The following PAPPA2 variants were observed in gnomAD, a reference collection of about 807,000 sequenced individuals.
The protein encoded by PAPPA2 is pappalysin-2.
Under a neutral mutation model 176.4 loss-of-function variants are expected in PAPPA2, and 86 were observed. The observed-to-expected ratio is 0.49, with a 90% CI of 0.41 to 0.58. The LOEUF (loss-of-function observed/expected upper bound fraction) is 0.58, where lower values mean the gene tolerates loss of function less well. Ranked by LOEUF, PAPPA2 falls within the 20% of genes least tolerant of loss-of-function variation. PAPPA2 has a pLI of 0.00. For synonymous variants in PAPPA2, 809 were observed against 852.2 expected, an observed-to-expected ratio of 0.95 and a Z score of 0.88; for missense variants, 2,073 against 2,256.9, an observed-to-expected ratio of 0.92 and a Z score of 1.65.
At chr1:176,638,972 A>T (rs12084659) in intron 3 of PAPPA2, among the ~76,000 whole-genome samples, 1 of 110,794 alleles carries the variant, frequency 9.0e-6, no homozygotes. Flanking sequence ...GTGTGTGTGT[A>T]TGTGTTTGTA....
At chr1:176,476,426 A>G (rs1334542912) in intron 1 of PAPPA2, among the ~76,000 whole-genome samples, 4 of 152,220 alleles carry the variant, frequency 2.6e-5, no homozygotes, top group Non-Finnish European at 5.9e-5. Flanking sequence ...TGTCCCCACC[A>G]TGATAAGGAA....
intron 21 of PAPPA2, 27 bp downstream of exon 21, chr1:176,800,159 C>T: frequency 6.2e-7 from 1 of 1,609,684 alleles, no homozygotes; most frequent in Non-Finnish European, 8.5e-7. Flanking sequence ...TTCCCCAACT[C>T]AGACTAGAGA....
intron 14 of PAPPA2, among the ~76,000 whole-genome samples, chr1:176,743,594 G>A (rs1017365324): frequency 3.3e-5 from 5 of 152,158 alleles, no homozygotes; most frequent in Non-Finnish European, 2.9e-5. Context: ...TGATGGCTTT[G>A]GGAAGTGGAA....
At chr1:176,802,156 G>T (rs1218852307) in intron 21 of PAPPA2, among the ~76,000 whole-genome samples, 1 of 152,134 alleles carries the variant, frequency 6.6e-6, no homozygotes, top group Non-Finnish European at 1.5e-5. Context: ...ATGATTCTGA[G>T]GCTTGCTAAT....
chr1:176,697,495 C>T (rs1463381594), intron 7 of PAPPA2, among the ~76,000 whole-genome samples: 1 of 152,146 alleles, frequency 6.6e-6, no homozygotes, highest in Non-Finnish European at 1.5e-5. Context: ...TTAAAATATA[C>T]ACTATAAGAG....
intron 3 of PAPPA2, among the ~76,000 whole-genome samples, chr1:176,618,831 AGTG>A (rs1655425189): frequency 6.6e-6 from 1 of 152,164 alleles, no homozygotes. Flanking sequence ...CTTCCCTCAA[AGTG>A]TTTGTAATCC....
chr1:176,728,315 G>C (rs542891619), intron 12 of PAPPA2, among the ~76,000 whole-genome samples: 5 of 151,870 alleles, frequency 3.3e-5, no homozygotes, highest in Admixed American at 2.6e-4. Flanking sequence ...ATTGAAAAGA[G>C]AACAACCTGA....
At chr1:176,517,843 A>C (rs1240863498) in intron 1 of PAPPA2, among the ~76,000 whole-genome samples, 2 of 152,096 alleles carry the variant, frequency 1.3e-5, no homozygotes, top group African/African-American at 4.8e-5. Context: ...GGAAACCATA[A>C]AATGAGAAGA....
chr1:176,630,168 G>A (rs546632507), intron 3 of PAPPA2, among the ~76,000 whole-genome samples: 1 of 152,304 alleles, frequency 6.6e-6, no homozygotes, highest in African/African-American at 2.4e-5. Context: ...CTTACAGCAT[G>A]ATGTGATCAT....
At chr1:176,636,453 T>C (rs775527777) in intron 3 of PAPPA2, among the ~76,000 whole-genome samples, 4 of 152,144 alleles carry the variant, frequency 2.6e-5, no homozygotes, top group Non-Finnish European at 5.9e-5. Flanking sequence ...CTATCAATTG[T>C]ATAGAAAGTC....
intron 3 of PAPPA2, among the ~76,000 whole-genome samples, chr1:176,651,807 G>A (rs1657743190): frequency 1.3e-5 from 2 of 151,170 alleles, no homozygotes; most frequent in Admixed American, 6.6e-5. Context: ...TCTATATCTT[G>A]TAGGCAATCT....
intron 14 of PAPPA2, among the ~76,000 whole-genome samples, chr1:176,745,310 T>G (rs1662856621): frequency 6.6e-6 from 1 of 152,238 alleles, no homozygotes; most frequent in Non-Finnish European, 1.5e-5. Context: ...GCAGCACACC[T>G]ATAGTCAAAT....
chr1:176,752,340 AATAAAAAAAAAAAAAAAAAAAAAAACATT>A (rs1663219204), intron 14 of PAPPA2, among the ~76,000 whole-genome samples: 1 of 113,462 alleles, frequency 8.8e-6, no homozygotes, highest in South Asian at 2.9e-4. Flanking sequence ...CTTAGAGTAT[AATAAAAAAAAAAAAAAAAAAAAAAACATT>A]TACCATTAGG....
chr1:176,794,154 T>C (rs924662982), intron 20 of PAPPA2, among the ~76,000 whole-genome samples: 6 of 152,212 alleles, frequency 3.9e-5, no homozygotes, highest in African/African-American at 1.4e-4. Context: ...TATAGAATAA[T>C]ACATTTTTAT....
At chr1:176,776,114 C>T (rs1664449267) in intron 17 of PAPPA2, among the ~76,000 whole-genome samples, 1 of 152,110 alleles carries the variant, frequency 6.6e-6, no homozygotes, top group South Asian at 2.1e-4. Context: ...GTTTCATTAA[C>T]CTGATTTCCT....
intron 17 of PAPPA2, among the ~76,000 whole-genome samples, chr1:176,784,608 A>G (rs550596286): frequency 1.2e-4 from 17 of 145,194 alleles, no homozygotes; most frequent in African/African-American, 3.1e-4. Flanking sequence ...TTTTTTTTAG[A>G]CAGAATCTTG....
At chr1:176,748,371 T>C (rs1265642264) in intron 14 of PAPPA2, among the ~76,000 whole-genome samples, 4 of 152,214 alleles carry the variant, frequency 2.6e-5, no homozygotes, top group Admixed American at 2.6e-4. Context: ...GGTCTTTTCA[T>C]AGAAATTCCC....
chr1:176,740,220 T>A, intron 14 of PAPPA2, 24 bp downstream of exon 14: 2 of 1,597,928 alleles, frequency 1.3e-6, no homozygotes, highest in Middle Eastern at 1.7e-4. Flanking sequence ...TTTCTTTCTT[T>A]TGTTTCCTTT....
intron 1 of PAPPA2, among the ~76,000 whole-genome samples, chr1:176,465,953 C>T (rs1374541004): frequency 6.6e-6 from 1 of 151,984 alleles, no homozygotes; most frequent in African/African-American, 2.4e-5. Context: ...ACTTTTTGTT[C>T]ATTCTCCTAT....
Sources: allele counts gnomAD v4.1 joint callset (sites outside exome capture counted in the v4.1 genomes callset), GRCh38; gene constraint gnomAD v4.1.1; transcripts MANE v1.5; gene names NCBI Gene and HGNC (gene_info 2026-07-23, HGNC 2026-07-21).